The following FAM149B1 variants were observed in gnomAD, a reference collection of about 807,000 sequenced individuals.
The protein encoded by FAM149B1 is primary cilium assembly protein FAM149B1.
A neutral mutation model predicts 75.3 loss-of-function variants in FAM149B1; 56 were observed. The ratio of observed to expected loss-of-function variants is 0.74; its 90% CI spans 0.60 to 0.93. The LOEUF is 0.93. Ranked by LOEUF, FAM149B1 falls within the 40% of genes least tolerant of loss-of-function variation. The pLI is 0.00. For synonymous variants in FAM149B1, 259 were observed against 256.1 expected (o/e 1.01, Z -0.11); for missense variants, 639 against 708.4 (o/e 0.90, Z 1.11).
rs184724056 is a variant in FAM149B1 at position 73,228,332 on chromosome 10, G to A, written c.1023+148G>A. 434 of 653,834 alleles carry A rather than the reference G, an allele frequency of 6.6e-4. 2 individuals are homozygous for A. The highest frequency in any genetic ancestry group is 9.5e-4 in the African/African-American group (52 of 54,872). 40.5% of individuals were successfully genotyped at this position (653,834 alleles called of 1,614,324 possible). On this transcript the variant is annotated intron_variant, in intron 8 of 13. Transcript: ENST00000242505. ...TATCATAATAATCCAGTGACTCTTC[G>A]CATTGGTTTGTTTAAAATATTAATA...
chr10:73,235,138 C>CA, intron 11 of FAM149B1, 55 bp from the exon 12 acceptor site: 1 of 1,533,054 alleles, frequency 6.5e-7, no homozygotes, highest in East Asian at 2.4e-5. Context: ...GTTTTAACTA[C>CA]ATACCACATT....
intron 12 of FAM149B1, 58 bp downstream of exon 12, chr10:73,235,376 G>T (rs1476833468): frequency 6.5e-7 from 1 of 1,544,804 alleles, no homozygotes; most frequent in Non-Finnish European, 8.7e-7. Context: ...AAGGTGGGGG[G>T]AATAATAGTT....
intron 1 of FAM149B1, among the ~76,000 whole-genome samples, chr10:73,172,324 T>G (rs1422122580): frequency 6.6e-6 from 1 of 152,224 alleles, no homozygotes; most frequent in African/African-American, 2.4e-5. Context: ...GCTTTATCTT[T>G]ATATAGAACA....
chr10:73,229,198 T>C (rs958044989), intron 8 of FAM149B1, among the ~76,000 whole-genome samples: 2 of 152,142 alleles, frequency 1.3e-5, no homozygotes, highest in African/African-American at 4.8e-5. Flanking sequence ...GTGTAATGAT[T>C]TATGTAGTCT....
At chr10:73,237,015 CCT>C (rs1165282959) in intron 12 of FAM149B1, among the ~76,000 whole-genome samples, 1 of 152,012 alleles carries the variant, frequency 6.6e-6, no homozygotes, top group Non-Finnish European at 1.5e-5. Context: ...GCCCAGCCTG[CCT>C]CTGTCTTTAC....
chr10:73,177,891 T>G lies in FAM149B1; in HGVS notation c.198T>G (p.Thr66=), dbSNP rs1281845147. 1.2e-5 allele frequency: 19 copies of G among 1,551,856 alleles called. No individual in the cohort carries two copies. The East Asian group carries it at 4.6e-4, about 38-fold the overall frequency. The part of the protein sequence containing the change: ...TRESSFTSAD[T]GNSLSAFPSY... ...AATCATCTTTTACATCAGCCGACAC[T>G]GGGAATTCACTGTCTGCTTTTCCAA... The change falls in exon 3 of 14, where the codon ACT becomes ACG. Residue 66 remains threonine, a synonymous_variant. Coordinates refer to ENST00000242505, the MANE Select transcript of FAM149B1 (RefSeq NM_173348.2).
In FAM149B1 at chr10:73,230,745, G is replaced by C. The variant is rs986353996; in HGVS notation, c.1127+220G>C. 3.0e-5 allele frequency: 13 copies of C among 440,444 alleles called. No individual in the cohort carries two copies. In the Admixed American group the frequency reaches 4.4e-4, roughly 15 times the overall value. 27.3% of individuals were successfully genotyped at this position (440,444 alleles called of 1,614,324 possible). The stretch of plus-strand genomic sequence containing the variant: ...GTAAAAAAAGACCTAACCATATGTG[G>C]CATTTTTGTAACTGAGTGCCATGTG... On this transcript the variant is annotated intron_variant, in intron 9 of 13. Coordinates refer to ENST00000242505, the MANE Select transcript of FAM149B1 (RefSeq NM_173348.2).
intron 8 of FAM149B1, 191 bp from the exon 9 acceptor site, chr10:73,230,231 A>G (rs2043653889): frequency 2.0e-6 from 1 of 500,234 alleles, no homozygotes. Flanking sequence ...AATGGAGAGG[A>G]AAGGAGGGAC....
chr10:73,185,894 C>T (rs888246634), intron 3 of FAM149B1, among the ~76,000 whole-genome samples: 2 of 152,072 alleles, frequency 1.3e-5, no homozygotes, highest in Admixed American at 1.3e-4. Context: ...AGAAATAATA[C>T]CAATCCCTCA....
chr10:73,228,250 T>G, intron 8 of FAM149B1, 66 bp downstream of exon 8: 1 of 1,364,338 alleles, frequency 7.3e-7, no homozygotes, highest in Non-Finnish European at 1.0e-6. Context: ...TTGCTCAGAG[T>G]TGTTTGCCTT....
chr10:73,209,998 A>G (rs1446343636), intron 6 of FAM149B1, among the ~76,000 whole-genome samples: 3 of 152,142 alleles, frequency 2.0e-5, no homozygotes, highest in Admixed American at 2.0e-4. Flanking sequence ...AGGCTTCTAT[A>G]CATAATACCA....
At position 73,222,059 on chromosome 10, in the gene FAM149B1, G is replaced by A. The variant is rs554303759; in HGVS notation, c.899-6001G>A. On this transcript the variant is annotated intron_variant, in intron 7 of 13. Transcript: ENST00000242505. ...GAATATCTGTGTTAATTCTAGGTTG[G>A]TTTCAGTTGATACTTCCTTCATTAT... Among the ~76,000 whole-genome samples, 179 of 152,180 alleles carry A rather than the reference G, an allele frequency of 1.2e-3. 5 individuals are homozygous for A. The South Asian group carries it at 0.036, about 30-fold the overall frequency.
At chr10:73,210,844 G>A (rs2043172333) in intron 7 of FAM149B1, among the ~76,000 whole-genome samples, 1 of 151,850 alleles carries the variant, frequency 6.6e-6, no homozygotes, top group Non-Finnish European at 1.5e-5. Context: ...AAAAAAAAAA[G>A]TGGGTATGAG....
chr10:73,171,381 T>C (rs530893307), intron 1 of FAM149B1, among the ~76,000 whole-genome samples: 2 of 152,314 alleles, frequency 1.3e-5, no homozygotes, highest in South Asian at 4.1e-4. Context: ...ATTTTTACTT[T>C]AGATGTTATA....
chr10:73,233,307 T>G (rs1338458878), intron 10 of FAM149B1, 144 bp downstream of exon 10: 5 of 638,328 alleles, frequency 7.8e-6, no homozygotes, highest in Non-Finnish European at 1.3e-5. Flanking sequence ...TGGGTTTAGA[T>G]CCAACACAAA....
At position 73,207,836 on chromosome 10, in the gene FAM149B1, G is replaced by C. The variant is rs145634075; in HGVS notation, c.543-783G>C. On this transcript the variant is annotated intron_variant, in intron 5 of 13. Transcript: ENST00000242505. ...AACGCCTATACTCCCATTGTATCTT[G>C]GAAGTAAATAACTTGTTTTTGATTT... 1.9e-3 allele frequency among the ~76,000 whole-genome samples: 292 copies of C among 152,332 alleles called. 3 individuals carry two copies. Among genetic ancestry groups the C allele is most frequent in the African/African-American group, 6.6e-3 (275 of 41,572 alleles).
At position 73,243,574 on chromosome 10, in the gene FAM149B1, A is replaced by G. The variant is rs2043976909; in HGVS notation, c.*2555A>G. ...ACAACATTATCCATAGACAGAAAGTACCTAGTGGTTGCCAGGGGCTGGAAA... is the reference window on the plus strand; with the variant it reads ...ACAACATTATCCATAGACAGAAAGTGCCTAGTGGTTGCCAGGGGCTGGAAA... On this transcript the variant is annotated 3_prime_UTR_variant, in exon 14 of 14. Transcript: ENST00000242505. 3.1e-6 allele frequency: 5 copies of G among 1,600,862 alleles called. No individual in the cohort carries two copies. The highest frequency in any genetic ancestry group is 4.3e-6 in the Non-Finnish European group (5 of 1,174,390).
intron 4 of FAM149B1, 89 bp from the exon 5 acceptor site, chr10:73,193,387 TG>T (rs2042725026): frequency 1.5e-6 from 2 of 1,307,212 alleles, no homozygotes; most frequent in African/African-American, 3.0e-5. Context: ...ACTTTTATGT[TG>T]AGCCATCAAA....
chr10:73,213,616 T>C (rs1000808140), intron 7 of FAM149B1, among the ~76,000 whole-genome samples: 1 of 152,216 alleles, frequency 6.6e-6, no homozygotes, highest in Non-Finnish European at 1.5e-5. Context: ...TATATTTTTG[T>C]TGACTTTGTC....
Sources: gnomAD v4.1 joint callset for allele counts (sites outside exome capture counted in the v4.1 genomes callset) on GRCh38, gnomAD v4.1.1 for gene constraint, MANE v1.5 for transcripts, NCBI Gene and HGNC (gene_info 2026-07-23, HGNC 2026-07-21) for gene names.